Variants in RNF150 observed in about 807,000 individuals in gnomAD.
The protein encoded by RNF150 is ring finger protein 150.
A neutral mutation model predicts 39.3 loss-of-function variants in RNF150; 24 were observed. The observed-to-expected ratio is 0.61, with a 90% CI of 0.44 to 0.86. RNF150 has a LOEUF of 0.86. Among genes scored for constraint, RNF150 ranks in the 40% least tolerant of loss-of-function variants. RNF150 has a pLI of 0.00. For synonymous variants in RNF150, 255 were observed against 227.3 expected, an observed-to-expected ratio of 1.12 and a Z score of -1.10; for missense variants, 502 against 587.8, an observed-to-expected ratio of 0.85 and a Z score of 1.51.
chr4:141,136,102 A>C (rs745519049), upstream of RNF150, among the ~76,000 whole-genome samples: 7 of 152,234 alleles, frequency 4.6e-5, no homozygotes, highest in Non-Finnish European at 8.8e-5. Context: ...AATTGAAGAG[A>C]TTTAAGAGAT....
chr4:141,028,242 T>C (rs959178913), intron 1 of RNF150, among the ~76,000 whole-genome samples: 3 of 152,194 alleles, frequency 2.0e-5, no homozygotes, highest in African/African-American at 7.2e-5. Flanking sequence ...TTGGCATTCA[T>C]TAAGAAGTAG....
intron 1 of RNF150, among the ~76,000 whole-genome samples, chr4:141,028,439 G>C (rs778823430): frequency 4.6e-5 from 7 of 152,028 alleles, no homozygotes; most frequent in African/African-American, 7.2e-5. Flanking sequence ...GTTTAAAAAA[G>C]AATAAAAGCC....
intron 1 of RNF150, among the ~76,000 whole-genome samples, chr4:141,123,564 T>A (rs555676126): frequency 6.6e-6 from 1 of 152,308 alleles, no homozygotes; most frequent in South Asian, 2.1e-4. Flanking sequence ...TTATTTTTTT[T>A]ATTATACTTT....
chr4:140,937,418 G>A lies in RNF150; in HGVS notation c.890+10236C>T, dbSNP rs138778224. On this transcript the variant is annotated intron_variant, in intron 4 of 6. Coordinates refer to ENST00000515673, the MANE Select transcript of RNF150 (RefSeq NM_020724.2). ...TGGGATTACAGGCACCCGGCACAAC[G>A]CCCATCTAATTTTTGTATTTTTAGT... is the stretch of plus-strand genomic sequence containing the variant. 6.6e-3 allele frequency among the ~76,000 whole-genome samples: 998 copies of A among 152,060 alleles called. 12 individuals are homozygous for A. Among genetic ancestry groups the A allele is most frequent in the African/African-American group, 0.018 (734 of 41,490 alleles).
intron 4 of RNF150, among the ~76,000 whole-genome samples, chr4:140,936,566 AG>A (rs1731870554): frequency 6.6e-6 from 1 of 152,182 alleles, no homozygotes; most frequent in Admixed American, 6.5e-5. Flanking sequence ...ATTTCTTGAT[AG>A]GGAAGGATTA....
Position 141,027,952 on chromosome 4 carries a change from T to TTTTTTTTTTTTTTTTTTTTTTG in RNF150, c.485-60080_485-60079insCAAAAAAAAAAAAAAAAAAAAA, listed in dbSNP as rs1553938684. The stretch of plus-strand genomic sequence containing the variant: ...TTTTTTTTTTTTTTTTTTTTTTTTT[T>TTTTTTTTTTTTTTTTTTTTTTG]CAATCCTGCTGGATCAAGATGTATA... On this transcript the variant is annotated intron_variant, in intron 1 of 6. Transcript: ENST00000515673. 1.7e-4 allele frequency among the ~76,000 whole-genome samples: 12 copies of TTTTTTTTTTTTTTTTTTTTTTG among 71,576 alleles called. 2 individuals carry two copies. Among genetic ancestry groups the TTTTTTTTTTTTTTTTTTTTTTG allele is most frequent in the Non-Finnish European group, 2.3e-4 (8 of 34,326 alleles). 47.0% of individuals were successfully genotyped at this position (71,576 alleles called of 152,430 possible). A position where few individuals can be genotyped will look rare whatever the true frequency, so the allele number is the denominator to read the frequency against.
At chr4:140,903,426 A>C (rs559739299) in intron 6 of RNF150, among the ~76,000 whole-genome samples, 2 of 152,056 alleles carry the variant, frequency 1.3e-5, no homozygotes, top group Non-Finnish European at 2.9e-5. Context: ...GAATGATGGC[A>C]CTTCCCCATG....
At chr4:140,890,116 G>A (rs1729707853) in intron 6 of RNF150, among the ~76,000 whole-genome samples, 3 of 152,128 alleles carry the variant, frequency 2.0e-5, no homozygotes, top group Non-Finnish European at 4.4e-5. Context: ...TATCTTTCAT[G>A]CAAATCAGTG....
chr4:141,159,089 T>G (rs1284193472), intron 1 of RNF150, among the ~76,000 whole-genome samples: 3 of 152,322 alleles, frequency 2.0e-5, no homozygotes, highest in Middle Eastern at 3.4e-3. Context: ...ATTATCACTT[T>G]AAATGAAGAG....
At chr4:140,930,925 C>G (rs1731610015) in intron 4 of RNF150, among the ~76,000 whole-genome samples, 1 of 31,416 alleles carries the variant, frequency 3.2e-5, no homozygotes, top group Non-Finnish European at 7.5e-5. Context: ...AAAGGTTGCA[C>G]TCCTGGATCT....
intron 1 of RNF150, among the ~76,000 whole-genome samples, chr4:140,973,105 G>T (rs1181023085): frequency 2.6e-5 from 4 of 151,998 alleles, no homozygotes; most frequent in Admixed American, 2.6e-4. Context: ...GTTACAGAGG[G>T]GAATCCATAT....
At chr4:141,121,733 AATTTCGATCCTT>A (rs1226694259) in intron 1 of RNF150, among the ~76,000 whole-genome samples, 1 of 152,064 alleles carries the variant, frequency 6.6e-6, no homozygotes, top group Non-Finnish European at 1.5e-5. Context: ...CTGCCCTCAT[AATTTCGATCCTT>A]ATAGTTCTCG....
intron 1 of RNF150, among the ~76,000 whole-genome samples, chr4:141,005,302 A>G (rs948134919): frequency 5.9e-5 from 9 of 152,206 alleles, no homozygotes; most frequent in African/African-American, 2.2e-4. Context: ...GGAGATGTAA[A>G]TTTGAAGCTA....
At chr4:141,043,535 A>G (rs2110865625) in intron 1 of RNF150, among the ~76,000 whole-genome samples, 1 of 152,314 alleles carries the variant, frequency 6.6e-6, no homozygotes, top group East Asian at 1.9e-4. Context: ...GAGAAGTTCT[A>G]TATAGGGAGA....
At chr4:141,071,680 T>G (rs1330748852) in intron 1 of RNF150, among the ~76,000 whole-genome samples, 1 of 152,134 alleles carries the variant, frequency 6.6e-6, no homozygotes, top group Non-Finnish European at 1.5e-5. Context: ...TGAAAGGACA[T>G]ATGTTAAGAG....
At chr4:140,946,607 C>T (rs1732322324) in intron 4 of RNF150, among the ~76,000 whole-genome samples, 1 of 152,158 alleles carries the variant, frequency 6.6e-6, no homozygotes, top group African/African-American at 2.4e-5. Context: ...CCAGCTCATC[C>T]TCCTGAGTAG....
chr4:140,932,587 C>A (rs1731690493), intron 4 of RNF150, among the ~76,000 whole-genome samples: 1 of 152,178 alleles, frequency 6.6e-6, no homozygotes, highest in African/African-American at 2.4e-5. Flanking sequence ...GGTATTCAAA[C>A]CTTTATTCTT....
chr4:141,154,538 C>T (rs762625046), intron 1 of RNF150, among the ~76,000 whole-genome samples: 22 of 152,124 alleles, frequency 1.4e-4, no homozygotes, highest in Non-Finnish European at 2.5e-4. Context: ...CACACACACT[C>T]GAGAACAAGT....
chr4:140,980,168 G>A (rs1733808618), intron 1 of RNF150, among the ~76,000 whole-genome samples: 1 of 152,002 alleles, frequency 6.6e-6, no homozygotes, highest in African/African-American at 2.4e-5. Context: ...TTAGCCTTCT[G>A]GGGTGCTGGG....
Sources: allele counts gnomAD v4.1 joint callset (sites outside exome capture counted in the v4.1 genomes callset), GRCh38; gene constraint gnomAD v4.1.1; transcripts MANE v1.5; gene names NCBI Gene and HGNC (gene_info 2026-07-23, HGNC 2026-07-21).